ZBTB44: variants seen among roughly 807,000 people sequenced by gnomAD.
ZBTB44 encodes the protein zinc finger and BTB domain containing 44.
ZBTB44 carries 15 observed loss-of-function variants against 54.0 expected under a neutral mutation model. The ratio of observed to expected loss-of-function variants is 0.28; its 90% CI spans 0.19 to 0.43. The LOEUF (loss-of-function observed/expected upper bound fraction) is 0.43, where lower values mean the gene tolerates loss of function less well. Ranked by LOEUF, ZBTB44 falls within the 20% of genes least tolerant of loss-of-function variation. ZBTB44 has a pLI of 1.00. For synonymous variants in ZBTB44, 230 were observed against 250.1 expected, an observed-to-expected ratio of 0.92 and a Z score of 0.76; for missense variants, 487 against 707.1, an observed-to-expected ratio of 0.69 and a Z score of 3.53.
intron 1 of ZBTB44, among the ~76,000 whole-genome samples, chr11:130,287,569 A>G (rs1592038404): frequency 6.6e-6 from 1 of 152,274 alleles, no homozygotes; most frequent in East Asian, 1.9e-4. Flanking sequence ...AATAAAGAAT[A>G]AGAAAGCTTC....
chr11:130,281,670 C>A (rs1362862396), intron 1 of ZBTB44, among the ~76,000 whole-genome samples: 2 of 151,970 alleles, frequency 1.3e-5, no homozygotes, highest in Non-Finnish European at 2.9e-5. Flanking sequence ...TATCGGCTCA[C>A]TGCAAGCTCC....
intron 1 of ZBTB44, among the ~76,000 whole-genome samples, chr11:130,268,957 TA>T (rs1939471676): frequency 6.6e-6 from 1 of 151,496 alleles, no homozygotes; most frequent in African/African-American, 2.4e-5. Flanking sequence ...CCACAAGGTA[TA>T]ACCTGAAGTT....
chr11:130,282,366 C>T (rs1221691264), intron 1 of ZBTB44, among the ~76,000 whole-genome samples: 2 of 152,180 alleles, frequency 1.3e-5, no homozygotes, highest in African/African-American at 2.4e-5. Context: ...AATTTGACTA[C>T]TGAAGGTACC....
intron 4 of ZBTB44, among the ~76,000 whole-genome samples, chr11:130,238,088 A>G (rs888103595): frequency 1.3e-5 from 2 of 152,252 alleles, no homozygotes; most frequent in East Asian, 1.9e-4. Flanking sequence ...AAGAGACATT[A>G]TAAGAAGAAC....
intron 2 of ZBTB44, among the ~76,000 whole-genome samples, chr11:130,245,374 T>C (rs1410206389): frequency 6.6e-6 from 1 of 152,238 alleles, no homozygotes; most frequent in African/African-American, 2.4e-5. Context: ...CTTCCCATTC[T>C]CAGTTTTTTC....
At chr11:130,233,422 T>G in intron 6 of ZBTB44, 40 bp from the exon 7 acceptor site, 1 of 1,512,504 alleles carries the variant, frequency 6.6e-7, no homozygotes, top group Non-Finnish European at 8.8e-7. Flanking sequence ...GTACCAAAAT[T>G]TCACCATGAA....
chr11:130,237,165 G>C, intron 4 of ZBTB44, 72 bp from the exon 5 acceptor site: 1 of 1,345,572 alleles, frequency 7.4e-7, no homozygotes, highest in East Asian at 2.7e-5. Flanking sequence ...ACAAATTTCT[G>C]AACTATATTT....
chr11:130,244,237 C>T (rs1052775101), intron 2 of ZBTB44, among the ~76,000 whole-genome samples: 1 of 152,106 alleles, frequency 6.6e-6, no homozygotes, highest in Non-Finnish European at 1.5e-5. Context: ...ACTCAAACAA[C>T]CTAGCTTATT....
chr11:130,295,862 A>C (rs1941609184), intron 1 of ZBTB44: 1 of 1,420,618 alleles, frequency 7.0e-7, no homozygotes, highest in Admixed American at 1.7e-5. Flanking sequence ...GGTGTTCTTA[A>C]GGAGCTAAAG....
rs549056224 is a variant in ZBTB44, at chr11:130,309,905, A to G, written c.-57+4470T>C. Among the ~76,000 whole-genome samples the G allele has an allele frequency of 3.9e-3, 589 of 152,100 alleles. 3 individuals are homozygous for G. Among genetic ancestry groups the G allele is most frequent in the South Asian group, 0.023 (109 of 4,820 alleles). On this transcript the variant is annotated intron_variant, in intron 1 of 7. Transcript: ENST00000357899. ...AGGGCGACTGCATCTCAAAAAAAAA[A>G]AAAAAAAGTTAAAAAAGTAGATGGA...
At chr11:130,287,254 G>A (rs1941022914) in intron 1 of ZBTB44, among the ~76,000 whole-genome samples, 1 of 151,942 alleles carries the variant, frequency 6.6e-6, no homozygotes, top group Non-Finnish European at 1.5e-5. Context: ...CATCCATCAG[G>A]CACTCTCCCT....
chr11:130,314,795 C>G lies in ZBTB44; in HGVS notation c.-477G>C, dbSNP rs1348296288. On this transcript the variant is annotated 5_prime_UTR_variant, in exon 1 of 8. Coordinates refer to ENST00000357899, the MANE Select transcript of ZBTB44 (RefSeq NM_001301098.2). ...GGCGGGGTGGGGAAGGGGAAGGGGA[C>G]TGAGGGGAGGGGAGGGGGAGGTTGG... 2.6e-5 allele frequency: 1 copy of G among 38,414 alleles called. No individual in the cohort carries two copies. Among genetic ancestry groups the G allele is most frequent in the Admixed American group, 3.3e-4 (1 of 3,022 alleles). 2.4% of individuals were successfully genotyped at this position (38,414 alleles called of 1,614,324 possible). A position where few individuals can be genotyped will look rare whatever the true frequency, so the allele number is the denominator to read the frequency against.
At chr11:130,307,953 T>C (rs1171059930) in intron 1 of ZBTB44, among the ~76,000 whole-genome samples, 1 of 152,222 alleles carries the variant, frequency 6.6e-6, no homozygotes, top group Non-Finnish European at 1.5e-5. Flanking sequence ...CTCGAGCTCC[T>C]GACCTTAGGT....
At position 130,238,459 on chromosome 11, in the gene ZBTB44, T is replaced by C; in HGVS notation, c.1252A>G (p.Met418Val). The C allele has an allele frequency of 6.2e-7, 1 of 1,608,070 alleles. No homozygotes were observed. Among genetic ancestry groups the C allele is most frequent in the Non-Finnish European group, 8.5e-7 (1 of 1,177,172 alleles). Residue 418 changes from methionine to valine, a missense_variant, in exon 4 of 8, where the codon ATG becomes GTG. This residue lies in a region of ZBTB44 where 120 missense variants were observed against 240.3 expected (regional missense o/e 0.50). Coordinates refer to ENST00000357899, the MANE Select transcript of ZBTB44 (RefSeq NM_001301098.2). ...GTGACATTACCTGAGTGGATGAGCA[T>C]GTGCTGCTTTAGGTTCTGAATACGG... is the stretch of plus-strand genomic sequence containing the variant. ...FTRIQNLKQHMLIHSGIKPFQ... is the reference protein window; with the variant it reads ...FTRIQNLKQHVLIHSGIKPFQ...
Position 130,309,752 on chromosome 11 carries a change from C to T in ZBTB44, c.-57+4623G>A, listed in dbSNP as rs1390030717. ...TCTACTAATACAAAAATTAGCTGGG[C>T]GTGGTGGTACATGCCTGTAATCCCA... On this transcript the variant is annotated intron_variant, in intron 1 of 7. Coordinates refer to ENST00000357899, the MANE Select transcript of ZBTB44 (RefSeq NM_001301098.2). 4.0e-5 allele frequency among the ~76,000 whole-genome samples: 6 copies of T among 151,710 alleles called. No individual in the cohort carries two copies. In the East Asian group the frequency reaches 5.9e-4, roughly 15 times the overall value.
chr11:130,289,596 T>TA (rs1409828715), intron 1 of ZBTB44, among the ~76,000 whole-genome samples: 119 of 108,818 alleles, frequency 1.1e-3, no homozygotes, highest in Middle Eastern at 4.9e-3. Flanking sequence ...TTGCAGACTT[T>TA]AAAAAAAAAA....
At chr11:130,277,089 G>GTAGGTTTGC (rs1940159809) in intron 1 of ZBTB44, among the ~76,000 whole-genome samples, 1 of 151,978 alleles carries the variant, frequency 6.6e-6, no homozygotes, top group Non-Finnish European at 1.5e-5. Flanking sequence ...TATAAACTTA[G>GTAGGTTTGC]TCTGACAATC....
Position 130,261,302 on chromosome 11 carries a change from G to A in ZBTB44, c.572C>T (p.Ser191Phe), listed in dbSNP as rs755637577. 1 of 1,613,846 alleles carries A rather than the reference G, an allele frequency of 6.2e-7. No individual in the cohort carries two copies. Among genetic ancestry groups the A allele is most frequent in the Non-Finnish European group, 8.5e-7 (1 of 1,179,892 alleles). Residue 191 changes from serine to phenylalanine, a missense_variant, in exon 2 of 8, where the codon TCT becomes TTT. Coordinates refer to ENST00000357899, the MANE Select transcript of ZBTB44 (RefSeq NM_001301098.2). The surrounding 1 kb of genome is among the most constrained non-coding windows in gnomAD (Gnocchi z 4.8). ...GCCACACTTTACAGGACTTTCAGGA[G>A]ACATAACAATGTAGCTTTTGCGCTT... The part of the protein sequence containing the change: ...RRKRKSYIVM[S>F]PESPVKCGTQ...
intron 2 of ZBTB44, among the ~76,000 whole-genome samples, chr11:130,249,226 T>C (rs1937785445): frequency 6.6e-6 from 1 of 152,188 alleles, no homozygotes; most frequent in South Asian, 2.1e-4. Flanking sequence ...GATTAATATT[T>C]GGGTTCCTAC....
Sources: allele counts gnomAD v4.1 joint callset (sites outside exome capture counted in the v4.1 genomes callset), GRCh38; gene constraint gnomAD v4.1.1; regional missense constraint gnomAD v4.1.1; non-coding constraint Gnocchi (gnomAD v3.1); transcripts MANE v1.5; gene names NCBI Gene and HGNC (gene_info 2026-07-23, HGNC 2026-07-21).